Variants in PCDHA8 observed in about 807,000 individuals in gnomAD.
PCDHA8 encodes the protein protocadherin alpha 8.
In PCDHA8, 53 loss-of-function variants were observed where a neutral mutation model predicts 61.8. That is an observed-to-expected ratio of 0.86 (90% CI 0.69 to 1.08). The LOEUF is 1.08. PCDHA8 is among the 50% of genes least tolerant of loss of function. PCDHA8 has a pLI of 0.00. For missense variants in PCDHA8, 1,293 were observed against 1,245.0 expected (o/e 1.04, Z -0.58); for synonymous variants, 618 against 556.6 (o/e 1.11, Z -1.55).
intron 1 of PCDHA8, among the ~76,000 whole-genome samples, chr5:140,976,253 T>G (rs1554237440): frequency 6.6e-6 from 1 of 152,124 alleles, no homozygotes; most frequent in Non-Finnish European, 1.5e-5. Context: ...TAAATTTATT[T>G]AAAACACAGA....
intron 1 of PCDHA8, chr5:140,851,862 A>G: frequency 2.0e-6 from 2 of 976,238 alleles, no homozygotes; most frequent in Non-Finnish European, 2.5e-6. Context: ...CAGCTCATAC[A>G]TAACACAAGG....
Position 140,841,865 on chromosome 5 carries a change from G to C in PCDHA8, c.544G>C (p.Val182Leu). The change falls in exon 1 of 4, where the codon GTG (valine) becomes CTG (leucine). Residue 182 changes from valine to leucine, a missense_variant. Coordinates refer to ENST00000531613, the MANE Select transcript of PCDHA8 (RefSeq NM_018911.3). ...LSSHDYFMLD[V>L]NSKNDENKLV... ...CTCTCATGATTACTTCATGCTAGAT[G>C]TGAATTCAAAGAACGATGAGAATAA... is the stretch of plus-strand genomic sequence containing the variant. The C allele has an allele frequency of 1.2e-6, 2 of 1,613,856 alleles. No homozygotes were observed. Among genetic ancestry groups the C allele is most frequent in the Non-Finnish European group, 1.7e-6 (2 of 1,179,838 alleles).
chr5:140,854,159 C>CAAAA (rs59855104), intron 1 of PCDHA8: 33,814 of 339,152 alleles, frequency 0.1, 739 homozygotes, highest in Middle Eastern at 0.12. Flanking sequence ...GATTCTGTCT[C>CAAAA]AAAAAAAAAA....
intron 1 of PCDHA8, chr5:140,927,277 GTGCAGC>G: frequency 6.2e-7 from 1 of 1,614,016 alleles, no homozygotes; most frequent in Non-Finnish European, 8.5e-7. Flanking sequence ...TGCCGGCGAC[GTGCAGC>G]TGCACATCCC....
chr5:140,928,485 C>T, intron 1 of PCDHA8: 2 of 1,614,136 alleles, frequency 1.2e-6, no homozygotes, highest in Non-Finnish European at 1.7e-6. Context: ...GGGATGGTGG[C>T]ATTCCTCCCA....
rs1554149884 is a variant in PCDHA8, at chr5:140,857,345, C to T, written c.2394+13630C>T. Reference sequence around the variant, plus strand: ...GACCGCGCGGGACGGGGGCTCGCCTCCGCTGTGGGCCACGGCCAGCGTGTC... The same window carrying T: ...GACCGCGCGGGACGGGGGCTCGCCTTCGCTGTGGGCCACGGCCAGCGTGTC... On this transcript the variant is annotated intron_variant, in intron 1 of 3. Coordinates refer to ENST00000531613, the MANE Select transcript of PCDHA8 (RefSeq NM_018911.3). The T allele has an allele frequency of 5.6e-6, 9 of 1,598,348 alleles. No homozygotes were observed. The Admixed American group carries it at 6.7e-5, about 12-fold the overall frequency.
chr5:140,843,344 G>C lies in PCDHA8; in HGVS notation c.2023G>C (p.Ala675Pro), dbSNP rs201264675. ...VLVSLVESGQ[A>P]PKASSRQSAG... ...GGTGTCGCTGGTGGAGAGCGGCCAGGCTCCAAAAGCGTCATCGAGGCAGTC... is the reference window on the plus strand; with the variant it reads ...GGTGTCGCTGGTGGAGAGCGGCCAGCCTCCAAAAGCGTCATCGAGGCAGTC... The change falls in exon 1 of 4, where the codon GCT becomes CCT. Residue 675 changes from alanine to proline, a missense_variant. Physicochemically the swap from Ala to Pro is conservative, Grantham distance 27. Transcript: ENST00000531613. The C allele has an allele frequency of 3.6e-5, 58 of 1,595,962 alleles. 5 individuals carry two copies. Among genetic ancestry groups the C allele is most frequent in the Non-Finnish European group, 4.3e-5 (50 of 1,165,608 alleles).
At chr5:140,869,447 A>G in intron 1 of PCDHA8, 1 of 1,614,214 alleles carries the variant, frequency 6.2e-7, no homozygotes, top group Non-Finnish European at 8.5e-7. Flanking sequence ...AGGCCGCTGC[A>G]GGTTTTCCAT....
chr5:140,882,351 G>A, intron 1 of PCDHA8: 1 of 1,614,214 alleles, frequency 6.2e-7, no homozygotes, highest in East Asian at 2.2e-5. Context: ...GAGACGGGTA[G>A]TGGCCAGCTC....
intron 1 of PCDHA8, chr5:140,968,899 A>G (rs782594245): frequency 6.2e-7 from 1 of 1,614,130 alleles, no homozygotes; most frequent in Non-Finnish European, 8.5e-7. Context: ...TAATAATAGC[A>G]TTAAGCACAG....
chr5:140,984,861 C>A (rs1163314869), intron 3 of PCDHA8, among the ~76,000 whole-genome samples: 1 of 151,870 alleles, frequency 6.6e-6, no homozygotes, highest in Non-Finnish European at 1.5e-5. Flanking sequence ...ATAATAACAC[C>A]TATTTTATTG....
intron 3 of PCDHA8, among the ~76,000 whole-genome samples, chr5:140,991,824 A>T (rs1326935155): frequency 1.3e-5 from 2 of 152,240 alleles, no homozygotes; most frequent in Non-Finnish European, 2.9e-5. Context: ...TTAGGCATTT[A>T]TAACGGCAGA....
At chr5:140,896,673 G>T (rs962137649) in intron 1 of PCDHA8, among the ~76,000 whole-genome samples, 1 of 152,000 alleles carries the variant, frequency 6.6e-6, no homozygotes, top group African/African-American at 2.4e-5. Context: ...CACTGTGCCC[G>T]GCCCTTTGCC....
At chr5:140,933,047 A>G (rs1482395906) in intron 1 of PCDHA8, among the ~76,000 whole-genome samples, 2 of 152,030 alleles carry the variant, frequency 1.3e-5, no homozygotes, top group Non-Finnish European at 1.5e-5. Flanking sequence ...TATGGATTAC[A>G]GTCCAGGATC....
chr5:140,975,156 G>A (rs1404839334), intron 1 of PCDHA8, among the ~76,000 whole-genome samples: 15 of 152,174 alleles, frequency 9.9e-5, no homozygotes, highest in Non-Finnish European at 2.1e-4. Context: ...AGTTCCTAGA[G>A]AACTGAGGAC....
chr5:140,950,694 T>C (rs1361506103), intron 1 of PCDHA8, among the ~76,000 whole-genome samples: 4 of 152,104 alleles, frequency 2.6e-5, no homozygotes, highest in African/African-American at 9.7e-5. Flanking sequence ...TAACCAAATT[T>C]GACAAATTTT....
At chr5:140,867,813 C>T (rs1189080463) in intron 1 of PCDHA8, 1 of 152,032 alleles carries the variant, frequency 6.6e-6, no homozygotes, top group Non-Finnish European at 1.5e-5. Context: ...TATGAAATTC[C>T]ATTTCCACAA....
At chr5:141,004,192 C>G (rs2098157863) in intron 3 of PCDHA8, among the ~76,000 whole-genome samples, 1 of 152,192 alleles carries the variant, frequency 6.6e-6, no homozygotes, top group African/African-American at 2.4e-5. Flanking sequence ...TGCTCTTAAC[C>G]AAAAGGAATT....
rs200097598 is a variant in PCDHA8 at position 140,842,988 on chromosome 5, T to C, written c.1667T>C (p.Leu556Pro). The change falls in exon 1 of 4, where the codon CTG becomes CCG. Residue 556 changes from leucine (L) to proline (P), a missense_variant. Physicochemically the swap from Leu to Pro is moderately conservative, Grantham distance 98. Coordinates refer to ENST00000531613, the MANE Select transcript of PCDHA8 (RefSeq NM_018911.3). ...GSNVTLQVFV[L>P]DENDNAPALL... ...AACGTGACGCTGCAGGTGTTCGTGC[T>C]GGACGAGAATGACAACGCGCCGGCA... 2.2e-4 allele frequency: 358 copies of C among 1,595,006 alleles called. 36 individuals are homozygous for C. Among genetic ancestry groups the C allele is most frequent in the Non-Finnish European group, 2.9e-4 (341 of 1,165,496 alleles).
Sources: gnomAD v4.1 joint callset for allele counts (sites outside exome capture counted in the v4.1 genomes callset) on GRCh38, gnomAD v4.1.1 for gene constraint, MANE v1.5 for transcripts, NCBI Gene and HGNC (gene_info 2026-07-23, HGNC 2026-07-21) for gene names.